SLC12A5: variants seen among roughly 807,000 people sequenced by gnomAD.
The protein encoded by SLC12A5 is K-Cl cotransporter 2.
A neutral mutation model predicts 124.0 loss-of-function variants in SLC12A5; 18 were observed. The observed-to-expected ratio is 0.15, with a 90% CI of 0.10 to 0.22. The LOEUF (loss-of-function observed/expected upper bound fraction) is 0.22. Ranked by LOEUF, SLC12A5 falls within the 10% of genes least tolerant of loss-of-function variation. The probability of loss-of-function intolerance (pLI) is 1.00; values close to 1 mark genes in which losing one functional copy is unlikely to be tolerated. For missense variants in SLC12A5, 867 were observed against 1,478.7 expected (o/e 0.59, Z 6.78); for synonymous variants, 589 against 568.0 (o/e 1.04, Z -0.53).
intron 9 of SLC12A5, 109 bp from the exon 10 acceptor site, chr20:46,043,524 T>A: frequency 7.9e-7 from 1 of 1,262,270 alleles, no homozygotes. Flanking sequence ...AGCCAGTATG[T>A]TAGGACTAGA....
intron 17 of SLC12A5, among the ~76,000 whole-genome samples, chr20:46,050,801 C>T (rs1380282297): frequency 6.6e-6 from 1 of 152,218 alleles, no homozygotes; most frequent in East Asian, 1.9e-4. Context: ...AGAAGGCTCT[C>T]AGACCCACCG....
At chr20:46,038,781 T>C (rs983500650) in intron 6 of SLC12A5, among the ~76,000 whole-genome samples, 18 of 152,212 alleles carry the variant, frequency 1.2e-4, no homozygotes, top group African/African-American at 3.1e-4. Context: ...CGCCTACTTC[T>C]TGATACATTT....
chr20:46,040,361 C>T lies in SLC12A5; in HGVS notation c.613-12C>T. 1 of 1,613,322 alleles carries T rather than the reference C, an allele frequency of 6.2e-7. No individual in the cohort carries two copies. The highest frequency in any genetic ancestry group is 8.5e-7 in the Non-Finnish European group (1 of 1,179,914). ...GACTTAGGTATCTGTTCTTCCTGCC[C>T]CTTTCCCACAGGCTTACCTCTTCCC... On this transcript the variant is annotated splice_polypyrimidine_tract_variant and intron_variant, in intron 6 of 25. Coordinates refer to ENST00000243964, the MANE Select transcript of SLC12A5 (RefSeq NM_020708.5).
exon 1 of SLC12A5, chr20:46,021,849 C>T (rs567522955): frequency 2.0e-6 from 3 of 1,532,184 alleles, no homozygotes; most frequent in Non-Finnish European, 2.6e-6. Flanking sequence ...GGCATTCGGT[C>T]GCAGACCCCC....
chr20:46,048,134 CA>C, intron 16 of SLC12A5, 49 bp downstream of exon 16: 1 of 1,512,250 alleles, frequency 6.6e-7, no homozygotes, highest in South Asian at 1.2e-5. Context: ...TGCATGAGTG[CA>C]AGGCTCAGGA....
rs1378664641 is a variant in SLC12A5, at chr20:46,043,901, G to A, written c.1362G>A (p.Gly454=). Residue 454 remains glycine (G), a synonymous_variant, in exon 11 of 26, where the codon GGG becomes GGA. Coordinates refer to ENST00000243964, the MANE Select transcript of SLC12A5 (RefSeq NM_020708.5). ...ACATCAGCTCCGTTGTTCTGTTTGG[G>A]GCCTGCATTGAGGGGGTCGTCCTGC... The part of the protein sequence containing the change: ...AVYISSVVLF[G]ACIEGVVLRD... 6.2e-7 allele frequency: 1 copy of A among 1,611,778 alleles called. No homozygotes were observed. Among genetic ancestry groups the A allele is most frequent in the African/African-American group, 1.3e-5 (1 of 74,940 alleles).
chr20:46,047,627 G>T (rs531736748), intron 15 of SLC12A5, 54 bp downstream of exon 15: 4 of 1,583,684 alleles, frequency 2.5e-6, no homozygotes, highest in Non-Finnish European at 3.4e-6. Context: ...AGGGTGGTGG[G>T]AAGGAGAGGG....
At chr20:46,034,884 G>C in intron 1 of SLC12A5, 64 bp from the exon 2 acceptor site, 1 of 1,461,084 alleles carries the variant, frequency 6.8e-7, no homozygotes, top group South Asian at 1.1e-5. Context: ...CTACACCACT[G>C]TATGCCCAGG....
upstream of SLC12A5, chr20:46,029,007 CCA>C: frequency 1.7e-6 from 1 of 595,320 alleles, no homozygotes; most frequent in African/African-American, 2.0e-5. Flanking sequence ...ACGCAATCCC[CCA>C]GTTTTTGTGC....
chr20:46,048,481 G>A (rs1273471919), intron 16 of SLC12A5, among the ~76,000 whole-genome samples: 2 of 152,204 alleles, frequency 1.3e-5, no homozygotes, highest in Non-Finnish European at 2.9e-5. Context: ...AGATCATGTA[G>A]CATTTGCTCT....
In SLC12A5 at chr20:46,055,026, G is replaced by A. The variant is rs372923917; in HGVS notation, c.2787+3G>A. The A allele has an allele frequency of 8.6e-5, 139 of 1,613,264 alleles. No individual in the cohort carries two copies. Among genetic ancestry groups the A allele is most frequent in the Non-Finnish European group, 1.1e-4 (133 of 1,179,366 alleles). On this transcript the variant is annotated splice_donor_region_variant and intron_variant, in intron 21 of 25. Coordinates refer to ENST00000243964, the MANE Select transcript of SLC12A5 (RefSeq NM_020708.5). ...CCAAGAATGAGCGGGAGCGGGAGGT[G>A]AGGTTGCCCTGGCTGGCCCCTGAGA...
chr20:46,025,925 T>A (rs1213362274), upstream of SLC12A5, among the ~76,000 whole-genome samples: 1 of 152,000 alleles, frequency 6.6e-6, no homozygotes, highest in Non-Finnish European at 1.5e-5. Context: ...GGAGAGGGAT[T>A]GAGCCATAAG....
chr20:46,023,645 A>C (rs927360693), downstream of SLC12A5: 2 of 392,070 alleles, frequency 5.1e-6, no homozygotes, highest in African/African-American at 2.1e-5. Flanking sequence ...TCCCACCTCC[A>C]TCAGCCAGGA....
chr20:46,047,358 C>CTTT, intron 14 of SLC12A5, 96 bp from the exon 15 acceptor site: 1 of 1,535,658 alleles, frequency 6.5e-7, no homozygotes, highest in Non-Finnish European at 8.8e-7. Flanking sequence ...CCAGGTCTTG[C>CTTT]CCATGCCCTG....
intron 1 of SLC12A5, among the ~76,000 whole-genome samples, chr20:46,029,960 T>G (rs1277425270): frequency 1.3e-5 from 2 of 151,022 alleles, no homozygotes; most frequent in Non-Finnish European, 3.0e-5. Flanking sequence ...TGGAGCCATA[T>G]GACAGCCCCC....
Position 46,056,770 on chromosome 20 carries a change from G to A in SLC12A5, c.3111-127G>A. ...TCCCAGTTGCAGGCAGCGGAAAGGT[G>A]AAGGGTGTGGGGGCTGGCAGAGCAG... On this transcript the variant is annotated intron_variant, in intron 23 of 25. Coordinates refer to ENST00000243964, the MANE Select transcript of SLC12A5 (RefSeq NM_020708.5). This position sits in a 1 kb window ranked among gnomAD's most constrained non-coding sequence, Gnocchi z 4.3. The A allele has an allele frequency of 8.2e-7, 1 of 1,217,822 alleles. No homozygotes were observed. Among genetic ancestry groups the A allele is most frequent in the Non-Finnish European group, 1.2e-6 (1 of 831,598 alleles). 75.4% of individuals were successfully genotyped at this position (1,217,822 alleles called of 1,614,324 possible).
In SLC12A5 at chr20:46,045,262, G is replaced by C; in HGVS notation, c.1569+122G>C. ...CTACCTCCTGGGCCACTTCTGCTCT[G>C]TACTGCACTGGCCAGGCCTATCTGG... On this transcript the variant is annotated intron_variant, in intron 12 of 25. Transcript: ENST00000243964. This position sits in a 1 kb window ranked among gnomAD's most constrained non-coding sequence, Gnocchi z 4.9. The C allele has an allele frequency of 8.5e-7, 1 of 1,174,818 alleles. No individual in the cohort carries two copies. Among genetic ancestry groups the C allele is most frequent in the South Asian group, 1.6e-5 (1 of 62,348 alleles). 72.8% of individuals were successfully genotyped at this position (1,174,818 alleles called of 1,614,324 possible).
In SLC12A5 at chr20:46,056,610, G is replaced by A; in HGVS notation, c.3110+46G>A. The stretch of plus-strand genomic sequence containing the variant: ...GGCTGGGGGCTGGGGTGAGCTAAAG[G>A]GTCTTGCTCCCCATGGCAGAGCAAG... On this transcript the variant is annotated intron_variant, in intron 23 of 25. Transcript: ENST00000243964. This position sits in a 1 kb window ranked among gnomAD's most constrained non-coding sequence, Gnocchi z 4.3. The A allele has an allele frequency of 6.3e-7, 1 of 1,575,050 alleles. No homozygotes were observed. Among genetic ancestry groups the A allele is most frequent in the South Asian group, 1.1e-5 (1 of 87,164 alleles).
chr20:46,058,430 C>T lies in SLC12A5; in HGVS notation c.*825C>T, dbSNP rs2084717047. The T allele has an allele frequency of 2.5e-6, 1 of 398,966 alleles. No homozygotes were observed. Among genetic ancestry groups the T allele is most frequent in the Non-Finnish European group, 4.4e-6 (1 of 226,120 alleles). 24.7% of individuals were successfully genotyped at this position (398,966 alleles called of 1,614,324 possible). ...GAGATGAGGTGAGACAAGGGTCCAA[C>T]TTTTCCTGGATTCGCCTCCCAGCGG... On this transcript the variant is annotated 3_prime_UTR_variant, in exon 26 of 26. Coordinates refer to ENST00000243964, the MANE Select transcript of SLC12A5 (RefSeq NM_020708.5). The surrounding 1 kb of genome is among the most constrained non-coding windows in gnomAD (Gnocchi z 5.8).
Sources: allele counts gnomAD v4.1 joint callset (sites outside exome capture counted in the v4.1 genomes callset), GRCh38; gene constraint gnomAD v4.1.1; non-coding constraint Gnocchi (gnomAD v3.1); transcripts MANE v1.5; gene names NCBI Gene and HGNC (gene_info 2026-07-23, HGNC 2026-07-21).